XKR4: variants seen among roughly 807,000 people sequenced by gnomAD.
XKR4 encodes XK related 4.
Under a neutral mutation model 53.9 loss-of-function variants are expected in XKR4, and 12 were observed. That is an observed-to-expected ratio of 0.22 (90% CI 0.14 to 0.36). The LOEUF (loss-of-function observed/expected upper bound fraction) is 0.36. Among genes scored for constraint, XKR4 ranks in the 10% least tolerant of loss-of-function variants. The probability of loss-of-function intolerance (pLI) is 1.00; values close to 1 mark genes in which losing one functional copy is unlikely to be tolerated. For missense variants in XKR4, 799 were observed against 859.5 expected (o/e 0.93, Z 0.88); for synonymous variants, 354 against 362.4 (o/e 0.98, Z 0.26).
At chr8:55,492,910 G>A (rs1016415354) in intron 2 of XKR4, among the ~76,000 whole-genome samples, 2 of 152,208 alleles carry the variant, frequency 1.3e-5, no homozygotes, top group Admixed American at 6.5e-5. Flanking sequence ...AGCACCAGGG[G>A]CCTTGTGAAT....
intron 2 of XKR4, among the ~76,000 whole-genome samples, chr8:55,469,302 G>T (rs1002146197): frequency 2.6e-5 from 4 of 152,042 alleles, no homozygotes; most frequent in Non-Finnish European, 5.9e-5. Context: ...AAGAACAATG[G>T]CAATGAAACC....
intron 1 of XKR4, among the ~76,000 whole-genome samples, chr8:55,270,686 C>G (rs1014867712): frequency 2.6e-5 from 4 of 152,190 alleles, no homozygotes; most frequent in Non-Finnish European, 5.9e-5. Flanking sequence ...AGCTAAACTG[C>G]TTTAACAAGA....
chr8:55,230,937 T>C (rs991362920), intron 1 of XKR4, among the ~76,000 whole-genome samples: 5 of 151,954 alleles, frequency 3.3e-5, no homozygotes, highest in African/African-American at 1.2e-4. Context: ...TCCACACTCA[T>C]CTCTCCTCCT....
At chr8:55,385,860 CAA>C (rs1210785037) in intron 2 of XKR4, among the ~76,000 whole-genome samples, 5 of 152,068 alleles carry the variant, frequency 3.3e-5, no homozygotes. Flanking sequence ...GAACACCAAA[CAA>C]AAAGAACTGG....
rs79616577 is a variant in XKR4 at position 55,438,339 on chromosome 8, G to A, written c.1006+80462G>A. On this transcript the variant is annotated intron_variant, in intron 2 of 2. Transcript: ENST00000327381. ...GTGGTAGCTCATGCCTGTAATCCAA[G>A]CACTTTGGGAGGCCGAGGCGGGCAG... Among the ~76,000 whole-genome samples the A allele has an allele frequency of 5.2e-4, 79 of 152,176 alleles. 3 individuals carry two copies. In the East Asian group the frequency reaches 0.012, roughly 22 times the overall value.
At chr8:55,514,672 A>G (rs542298776) in intron 2 of XKR4, among the ~76,000 whole-genome samples, 20 of 152,322 alleles carry the variant, frequency 1.3e-4, no homozygotes, top group South Asian at 8.3e-4. Context: ...AAAGCAACAA[A>G]AAAACAAACA....
intron 2 of XKR4, among the ~76,000 whole-genome samples, chr8:55,472,167 G>C (rs756983743): frequency 1.3e-5 from 2 of 152,064 alleles, no homozygotes; most frequent in Non-Finnish European, 2.9e-5. Flanking sequence ...GAAAGTTCTG[G>C]GATAAAGATA....
intron 1 of XKR4, among the ~76,000 whole-genome samples, chr8:55,289,571 G>A (rs1275735796): frequency 1.6e-3 from 141 of 89,834 alleles, no homozygotes; most frequent in East Asian, 4.8e-3. Context: ...GAAGGAAGGA[G>A]AGAGAAAGGA....
At chr8:55,105,005 G>C (rs962997764) in intron 1 of XKR4, among the ~76,000 whole-genome samples, 1 of 152,088 alleles carries the variant, frequency 6.6e-6, no homozygotes, top group Non-Finnish European at 1.5e-5. Flanking sequence ...TCAAGATTTG[G>C]AAATCACTTA....
At chr8:55,118,960 G>A (rs1205495860) in intron 1 of XKR4, among the ~76,000 whole-genome samples, 1 of 151,450 alleles carries the variant, frequency 6.6e-6, no homozygotes, top group African/African-American at 2.4e-5. Context: ...TTTTTTTCAT[G>A]ATTTTCTTCC....
rs141927416 is a variant in XKR4 at position 55,333,461 on chromosome 8, G to T, written c.807-24217G>T. Among the ~76,000 whole-genome samples, 1,323 of 152,064 alleles carry T rather than the reference G, an allele frequency of 8.7e-3. 22 individuals carry two copies. Among genetic ancestry groups the T allele is most frequent in the African/African-American group, 0.03 (1,257 of 41,462 alleles). The stretch of plus-strand genomic sequence containing the variant: ...ATGCCTCTACCTTGGGCCTATGAGT[G>T]TGCTTTATTCTGATTCCCCCATATA... On this transcript the variant is annotated intron_variant, in intron 1 of 2. Transcript: ENST00000327381.
intron 1 of XKR4, among the ~76,000 whole-genome samples, chr8:55,287,571 C>T (rs1468910684): frequency 1.3e-5 from 2 of 152,212 alleles, no homozygotes; most frequent in Admixed American, 6.5e-5. Context: ...ATGAGTGCTG[C>T]ATTGCACCAT....
chr8:55,482,506 C>T (rs1806125917), intron 2 of XKR4, among the ~76,000 whole-genome samples: 1 of 151,918 alleles, frequency 6.6e-6, no homozygotes. Context: ...TGTAACAAAC[C>T]TGCACATTGT....
At chr8:55,495,688 G>T (rs1300775688) in intron 2 of XKR4, among the ~76,000 whole-genome samples, 1 of 152,240 alleles carries the variant, frequency 6.6e-6, no homozygotes, top group African/African-American at 2.4e-5. Flanking sequence ...GAGGAGCAGA[G>T]GCTCTGGGCA....
intron 1 of XKR4, among the ~76,000 whole-genome samples, chr8:55,188,894 A>G (rs1817410876): frequency 6.6e-6 from 1 of 152,246 alleles, no homozygotes; most frequent in South Asian, 2.1e-4. Flanking sequence ...TACAGAATCT[A>G]TCCATAACAA....
intron 2 of XKR4, among the ~76,000 whole-genome samples, chr8:55,456,862 GT>G (rs1189906501): frequency 2.6e-5 from 4 of 152,074 alleles, no homozygotes; most frequent in African/African-American, 4.8e-5. Flanking sequence ...AATAATTTAT[GT>G]GAAAAAATAA....
chr8:55,339,989 A>G (rs1803518115), intron 1 of XKR4, among the ~76,000 whole-genome samples: 1 of 152,244 alleles, frequency 6.6e-6, no homozygotes, highest in Non-Finnish European at 1.5e-5. Context: ...AATTGAATCC[A>G]AAGCATGACA....
chr8:55,395,815 T>G (rs79275153), intron 2 of XKR4, among the ~76,000 whole-genome samples: 1,738 of 152,244 alleles, frequency 0.011, 32 homozygotes, highest in African/African-American at 0.04. Context: ...GCCTTAAATC[T>G]TAGTCTGTTC....
intron 1 of XKR4, among the ~76,000 whole-genome samples, chr8:55,318,642 C>T (rs1803155365): frequency 6.6e-6 from 1 of 152,068 alleles, no homozygotes. Context: ...AACCTACTAC[C>T]CTAACATTAC....
Sources: gnomAD v4.1 joint callset for allele counts (sites outside exome capture counted in the v4.1 genomes callset) on GRCh38, gnomAD v4.1.1 for gene constraint, MANE v1.5 for transcripts, NCBI Gene and HGNC (gene_info 2026-07-23, HGNC 2026-07-21) for gene names.